Variants in ENTREP2 observed in about 807,000 individuals in gnomAD.
ENTREP2 encodes protein ENTREP2.
chr15:29,119,787 G>C, the ENTREP2 span, among the ~76,000 whole-genome samples: 1 of 152,190 alleles, frequency 6.6e-6, no homozygotes, highest in East Asian at 1.9e-4. Flanking sequence ...AATGTCGCCT[G>C]AGTCAAAGCT....
chr15:29,460,694 G>A, the ENTREP2 span, among the ~76,000 whole-genome samples: 1 of 152,168 alleles, frequency 6.6e-6, no homozygotes, highest in Non-Finnish European at 1.5e-5. Flanking sequence ...TCTAACTGGA[G>A]TCAAGTCATT....
the ENTREP2 span, among the ~76,000 whole-genome samples, chr15:29,383,284 C>A: frequency 6.6e-6 from 1 of 152,196 alleles, no homozygotes; most frequent in Non-Finnish European, 1.5e-5. Flanking sequence ...AATGCAGCTG[C>A]AGCCTCCACC....
At chr15:29,185,797 G>C in the ENTREP2 span, among the ~76,000 whole-genome samples, 2 of 152,118 alleles carry the variant, frequency 1.3e-5, no homozygotes, top group East Asian at 1.9e-4. Flanking sequence ...CCTGACCTCA[G>C]GTGATCTGCC....
the ENTREP2 span, chr15:29,123,762 G>GT: frequency 1.1e-4 from 129 of 1,185,956 alleles, no homozygotes; most frequent in East Asian, 3.3e-3. Context: ...GGGTTTCTGT[G>GT]TTCCTGGGGC....
the ENTREP2 span, among the ~76,000 whole-genome samples, chr15:29,337,916 T>C: frequency 6.6e-6 from 1 of 152,176 alleles, no homozygotes; most frequent in African/African-American, 2.4e-5. Context: ...TGACACTTCA[T>C]AGTTGTGTTG....
chr15:29,504,750 A>G, the ENTREP2 span, among the ~76,000 whole-genome samples: 1 of 152,226 alleles, frequency 6.6e-6, no homozygotes, highest in African/African-American at 2.4e-5. Context: ...GAAGTGGGGA[A>G]AGCAGTCATG....
chr15:29,600,664 G>C, the ENTREP2 span, among the ~76,000 whole-genome samples: 1 of 152,098 alleles, frequency 6.6e-6, no homozygotes, highest in Non-Finnish European at 1.5e-5. Context: ...TAGGGACAGG[G>C]TCTTGCTATA....
chr15:29,487,102 T>C, the ENTREP2 span, among the ~76,000 whole-genome samples: 1 of 152,210 alleles, frequency 6.6e-6, no homozygotes, highest in South Asian at 2.1e-4. Flanking sequence ...GATTCGATCA[T>C]TACACATTGT....
the ENTREP2 span, among the ~76,000 whole-genome samples, chr15:29,573,000 G>C: frequency 1.3e-5 from 2 of 152,084 alleles, no homozygotes; most frequent in Non-Finnish European, 2.9e-5. Flanking sequence ...GGGGTTAGTG[G>C]AGATGTCGAG....
At chr15:29,521,580 A>G in the ENTREP2 span, among the ~76,000 whole-genome samples, 4 of 152,140 alleles carry the variant, frequency 2.6e-5, no homozygotes, top group Non-Finnish European at 5.9e-5. Flanking sequence ...CTTTCAGTAA[A>G]ATAAAACTAG....
the ENTREP2 span, chr15:29,269,757 G>A: frequency 2.8e-5 from 40 of 1,408,660 alleles, no homozygotes; most frequent in South Asian, 2.7e-4. Context: ...CAGCCGCGGC[G>A]GGGATTGCGG....
chr15:29,480,331 A>G, the ENTREP2 span, among the ~76,000 whole-genome samples: 1 of 127,228 alleles, frequency 7.9e-6, no homozygotes, highest in Admixed American at 9.1e-5. Context: ...AAGACCATTC[A>G]CTATAGCAAA....
chr15:29,300,397 AAATGGATGGATG>A, the ENTREP2 span, among the ~76,000 whole-genome samples: 14 of 98,336 alleles, frequency 1.4e-4, no homozygotes, highest in Non-Finnish European at 2.0e-4. Context: ...ATAGATGGAT[AAATGGATGGATG>A]GATGGATGGA....
the ENTREP2 span, among the ~76,000 whole-genome samples, chr15:29,501,833 G>A: frequency 1.3e-5 from 2 of 152,020 alleles, no homozygotes; most frequent in South Asian, 4.1e-4. Context: ...AAGGTGACAC[G>A]ATATAAGTTC....
the ENTREP2 span, among the ~76,000 whole-genome samples, chr15:29,628,806 G>A: frequency 2.6e-5 from 4 of 152,284 alleles, no homozygotes; most frequent in East Asian, 7.7e-4. Flanking sequence ...CTGGAGTGCA[G>A]TGGCACCATC....
the ENTREP2 span, among the ~76,000 whole-genome samples, chr15:29,591,425 C>T: frequency 8.5e-5 from 13 of 152,140 alleles, no homozygotes; most frequent in Non-Finnish European, 1.9e-4. Flanking sequence ...GCAGTGACCC[C>T]CATCCTACCT....
the ENTREP2 span, among the ~76,000 whole-genome samples, chr15:29,623,033 A>G: frequency 6.6e-6 from 1 of 152,216 alleles, no homozygotes; most frequent in African/African-American, 2.4e-5. Flanking sequence ...CTAGTGTAGC[A>G]GTTAAATTTT....
chr15:29,413,633 C>T, the ENTREP2 span, among the ~76,000 whole-genome samples: 1 of 152,140 alleles, frequency 6.6e-6, no homozygotes, highest in Non-Finnish European at 1.5e-5. Flanking sequence ...ATCACAACCC[C>T]TACATACGTA....
the ENTREP2 span, among the ~76,000 whole-genome samples, chr15:29,650,843 CA>C: frequency 4.0e-5 from 6 of 151,818 alleles, no homozygotes; most frequent in South Asian, 8.3e-4. Flanking sequence ...ACCCTGTTTC[CA>C]AAAAAATAAA....
Sources: allele counts gnomAD v4.1 joint callset (sites outside exome capture counted in the v4.1 genomes callset), GRCh38; gene constraint gnomAD v4.1.1; transcripts MANE v1.5; gene names NCBI Gene and HGNC (gene_info 2026-07-23, HGNC 2026-07-21).